SLC30A8: variants seen among roughly 807,000 people sequenced by gnomAD.
SLC30A8 encodes the protein proton-coupled zinc antiporter SLC30A8.
A neutral mutation model predicts 36.9 loss-of-function variants in SLC30A8; 27 were observed. That is an observed-to-expected ratio of 0.73 (90% CI 0.54 to 1.01). The LOEUF is 1.01. Among genes scored for constraint, SLC30A8 ranks in the 50% least tolerant of loss-of-function variants. The pLI is 0.00. For synonymous variants in SLC30A8, 164 were observed against 172.4 expected, an observed-to-expected ratio of 0.95 and a Z score of 0.38; for missense variants, 439 against 452.0, an observed-to-expected ratio of 0.97 and a Z score of 0.26.
At chr8:117,085,509 C>T (rs986315587) in intron 2 of SLC30A8, among the ~76,000 whole-genome samples, 1 of 152,188 alleles carries the variant, frequency 6.6e-6, no homozygotes, top group Non-Finnish European at 1.5e-5. Context: ...AAGCAACTCA[C>T]TCTAAAACAA....
intron 2 of SLC30A8, among the ~76,000 whole-genome samples, chr8:117,075,648 A>G (rs1046132262): frequency 2.0e-5 from 3 of 152,258 alleles, no homozygotes; most frequent in Non-Finnish European, 4.4e-5. Flanking sequence ...GACTGTTTAA[A>G]TCGTCTTTTT....
At chr8:117,119,554 T>C (rs921097791) in intron 2 of SLC30A8, among the ~76,000 whole-genome samples, 5 of 151,886 alleles carry the variant, frequency 3.3e-5, no homozygotes, top group African/African-American at 1.2e-4. Flanking sequence ...TCACTCTTCT[T>C]TTGTGCCACA....
chr8:116,970,591 T>C (rs567823541), intron 1 of SLC30A8, among the ~76,000 whole-genome samples: 2 of 152,196 alleles, frequency 1.3e-5, no homozygotes, highest in South Asian at 2.1e-4. Context: ...AACTTTATAA[T>C]GGCTATGATG....
chr8:117,020,878 A>G (rs926275388), intron 1 of SLC30A8, among the ~76,000 whole-genome samples: 2 of 152,316 alleles, frequency 1.3e-5, no homozygotes, highest in Non-Finnish European at 2.9e-5. Flanking sequence ...TAAAGAAAAG[A>G]GTGGAATAAT....
At chr8:117,150,799 GT>G (rs1822148471) in intron 2 of SLC30A8, among the ~76,000 whole-genome samples, 1 of 152,016 alleles carries the variant, frequency 6.6e-6, no homozygotes, top group East Asian at 1.9e-4. Flanking sequence ...TGGAGACGGG[GT>G]TTCACCGTGT....
intron 1 of SLC30A8, among the ~76,000 whole-genome samples, chr8:116,991,597 C>T (rs1815648122): frequency 6.6e-6 from 1 of 152,220 alleles, no homozygotes; most frequent in African/African-American, 2.4e-5. Flanking sequence ...AGCCACCATG[C>T]TCAGCCTATG....
intron 6 of SLC30A8, among the ~76,000 whole-genome samples, chr8:117,168,133 G>T (rs530842877): frequency 6.6e-6 from 1 of 152,072 alleles, no homozygotes; most frequent in Admixed American, 6.5e-5. Context: ...GACACGTGGG[G>T]ATCATTACAA....
At chr8:117,070,171 A>G (rs113334948) in intron 2 of SLC30A8, among the ~76,000 whole-genome samples, 8,440 of 152,308 alleles carry the variant, frequency 0.055, 354 homozygotes, top group Non-Finnish European at 0.087. Flanking sequence ...GAAACAAAAC[A>G]GCACCAAAAT....
chr8:116,963,208 A>G (rs1182728685), intron 1 of SLC30A8, among the ~76,000 whole-genome samples: 1 of 152,184 alleles, frequency 6.6e-6, no homozygotes, highest in African/African-American at 2.4e-5. Flanking sequence ...GCAGCTGTCA[A>G]TAGCCCTCTT....
intron 1 of SLC30A8, among the ~76,000 whole-genome samples, chr8:117,038,898 C>T (rs979951384): frequency 6.6e-6 from 1 of 152,212 alleles, no homozygotes; most frequent in African/African-American, 2.4e-5. Flanking sequence ...TTCAAAGGAT[C>T]TCTGAAGATG....
intron 1 of SLC30A8, among the ~76,000 whole-genome samples, chr8:116,957,436 A>G (rs1814252837): frequency 6.6e-6 from 1 of 151,858 alleles, no homozygotes; most frequent in East Asian, 1.9e-4. Flanking sequence ...ATGCTCGGCT[A>G]ATTTTTGTAC....
intron 2 of SLC30A8, among the ~76,000 whole-genome samples, chr8:117,079,763 A>G (rs1356158559): frequency 6.6e-6 from 1 of 152,228 alleles, no homozygotes; most frequent in Non-Finnish European, 1.5e-5. Flanking sequence ...GAACAGATCT[A>G]AAACAGCTAT....
At chr8:117,098,474 G>A (rs1355755080) in intron 2 of SLC30A8, among the ~76,000 whole-genome samples, 1 of 152,140 alleles carries the variant, frequency 6.6e-6, no homozygotes, top group Admixed American at 6.6e-5. Context: ...AGGAAAGCGT[G>A]TAGCTCCCTC....
intron 1 of SLC30A8, among the ~76,000 whole-genome samples, chr8:117,009,386 T>C (rs1816273977): frequency 6.6e-6 from 1 of 152,238 alleles, no homozygotes; most frequent in Non-Finnish European, 1.5e-5. Context: ...CTGAAAATTC[T>C]AAAAGGACCA....
chr8:117,131,164 G>T (rs929174165), upstream of SLC30A8, among the ~76,000 whole-genome samples: 3 of 152,014 alleles, frequency 2.0e-5, no homozygotes, highest in South Asian at 6.2e-4. Flanking sequence ...TTTTCAAGCA[G>T]TGTATAAAAT....
chr8:117,082,268 A>C (rs961997410), intron 2 of SLC30A8, among the ~76,000 whole-genome samples: 1 of 152,194 alleles, frequency 6.6e-6, no homozygotes, highest in South Asian at 2.1e-4. Context: ...TTAAAGCACA[A>C]GGCACTGTCT....
chr8:117,006,642 T>C (rs548161179), intron 1 of SLC30A8, among the ~76,000 whole-genome samples: 185 of 152,076 alleles, frequency 1.2e-3, no homozygotes, highest in African/African-American at 4.3e-3. Flanking sequence ...GAACGGCTGG[T>C]GCGTCATCAG....
At chr8:116,982,545 A>C (rs1455101453) in intron 1 of SLC30A8, among the ~76,000 whole-genome samples, 1 of 152,170 alleles carries the variant, frequency 6.6e-6, no homozygotes, top group Non-Finnish European at 1.5e-5. Flanking sequence ...AAGATTAATA[A>C]AAGCAAATAA....
intron 1 of SLC30A8, among the ~76,000 whole-genome samples, chr8:117,037,473 A>T (rs1350039517): frequency 6.6e-6 from 1 of 152,116 alleles, no homozygotes; most frequent in Non-Finnish European, 1.5e-5. Flanking sequence ...AATGGGATGA[A>T]TACGTGAGCA....
Sources: allele counts gnomAD v4.1 joint callset (sites outside exome capture counted in the v4.1 genomes callset), GRCh38; gene constraint gnomAD v4.1.1; transcripts MANE v1.5; gene names NCBI Gene and HGNC (gene_info 2026-07-23, HGNC 2026-07-21).